The following NIM1K variants were observed in gnomAD, a reference collection of about 807,000 sequenced individuals.
NIM1K encodes the protein serine/threonine-protein kinase NIM1.
In NIM1K, 35 loss-of-function variants were observed where a neutral mutation model predicts 37.1. The observed-to-expected ratio is 0.94, with a 90% CI of 0.72 to 1.25. The LOEUF is 1.25. Ranked by LOEUF, NIM1K falls within the 50% of genes most tolerant of loss-of-function variation. NIM1K has a pLI of 0.00. For synonymous variants in NIM1K, 234 were observed against 206.6 expected, an observed-to-expected ratio of 1.13 and a Z score of -1.14; for missense variants, 564 against 548.0, an observed-to-expected ratio of 1.03 and a Z score of -0.29.
chr5:43,244,954 C>T (rs890178554), intron 1 of NIM1K, 128 bp from the exon 2 acceptor site: 12 of 152,156 alleles, frequency 7.9e-5, no homozygotes, highest in Admixed American at 6.5e-4. Flanking sequence ...CAAGCATCTA[C>T]TACTGATATG....
At chr5:43,198,187 CTTTCTTTCTTTCTTTCTTTCTCTT>C (rs1255314023) in intron 1 of NIM1K, among the ~76,000 whole-genome samples, 395 of 65,486 alleles carry the variant, frequency 6.0e-3, no homozygotes, top group Non-Finnish European at 9.0e-3. Context: ...TTCTTTCTTT[CTTTCTTTCTTTCTTTCTTTCTCTT>C]TCTTTCTTTC....
At chr5:43,216,227 G>A (rs1486115803) in intron 1 of NIM1K, among the ~76,000 whole-genome samples, 1 of 152,086 alleles carries the variant, frequency 6.6e-6, no homozygotes, top group Non-Finnish European at 1.5e-5. Flanking sequence ...TTTCTGTGAA[G>A]TGAGTTGAGG....
At chr5:43,241,892 T>C (rs944974446) in intron 1 of NIM1K, among the ~76,000 whole-genome samples, 5 of 151,974 alleles carry the variant, frequency 3.3e-5, no homozygotes, top group Non-Finnish European at 7.3e-5. Context: ...TGATTTTGTT[T>C]ATTTTACATT....
chr5:43,204,081 G>GTTTTT lies in NIM1K; in HGVS notation c.-695+11687_-695+11691dup, dbSNP rs70994605. Among the ~76,000 whole-genome samples, 203 of 85,388 alleles carry GTTTTT rather than the reference G, an allele frequency of 2.4e-3. 7 individuals carry two copies. Among genetic ancestry groups the GTTTTT allele is most frequent in the East Asian group, 0.013 (31 of 2,388 alleles). 56.0% of individuals were successfully genotyped at this position (85,388 alleles called of 152,430 possible). On this transcript the variant is annotated intron_variant, in intron 1 of 3. Transcript: ENST00000326035. ...TTTACTATCACTGATAGTTCCAATG[G>GTTTTT]TTTTTTTTTTTTTTTTTTTTTGAGA...
In NIM1K at chr5:43,280,648, C is replaced by T. The variant is rs563197819; in HGVS notation, c.1230C>T (p.Asp410=). The T allele has an allele frequency of 6.8e-6, 11 of 1,613,934 alleles. No individual in the cohort carries two copies. Among genetic ancestry groups the T allele is most frequent in the African/African-American group, 2.7e-5 (2 of 74,986 alleles). The change falls in exon 4 of 4, where the codon GAC becomes GAT. Residue 410 remains aspartate, a synonymous_variant. Transcript: ENST00000326035. ...GTGTCCCAGTCATGATGCTACCAGA[C>T]CCTAAAGAAAGAGACCTCAAAAAAG... ...LESVPVMMLP[D]PKERDLKKGS...
intron 1 of NIM1K, among the ~76,000 whole-genome samples, chr5:43,215,755 C>T (rs536518576): frequency 8.5e-5 from 13 of 152,342 alleles, no homozygotes; most frequent in African/African-American, 3.1e-4. Context: ...TTTTAACAAG[C>T]AGTTTACTTT....
intron 1 of NIM1K, among the ~76,000 whole-genome samples, chr5:43,208,464 G>A (rs376017706): frequency 1.6e-4 from 25 of 152,116 alleles, no homozygotes; most frequent in South Asian, 8.3e-4. Flanking sequence ...TTAGCCGGGC[G>A]TGGTGGCAGA....
chr5:43,237,910 T>C (rs1752643823), intron 1 of NIM1K, among the ~76,000 whole-genome samples: 1 of 152,176 alleles, frequency 6.6e-6, no homozygotes, highest in East Asian at 1.9e-4. Context: ...TTTACTTTAT[T>C]GGGAGCATAA....
intron 1 of NIM1K, among the ~76,000 whole-genome samples, chr5:43,238,392 T>C (rs1752651722): frequency 6.6e-6 from 1 of 151,946 alleles, no homozygotes; most frequent in Non-Finnish European, 1.5e-5. Flanking sequence ...GTCTGAATTG[T>C]CTTTGAATTT....
At chr5:43,227,198 T>C (rs572622351) in intron 1 of NIM1K, among the ~76,000 whole-genome samples, 83 of 152,086 alleles carry the variant, frequency 5.5e-4, no homozygotes, top group Non-Finnish European at 1.0e-3. Context: ...CTGTCTCTAC[T>C]AAAAATACAA....
At chr5:43,226,443 T>C (rs1035308041) in intron 1 of NIM1K, among the ~76,000 whole-genome samples, 2 of 152,124 alleles carry the variant, frequency 1.3e-5, no homozygotes, top group African/African-American at 4.8e-5. Flanking sequence ...TGCTGACAGA[T>C]TGGTGTATGA....
intron 1 of NIM1K, among the ~76,000 whole-genome samples, chr5:43,210,642 T>C (rs892517373): frequency 2.6e-5 from 4 of 152,146 alleles, no homozygotes; most frequent in African/African-American, 4.8e-5. Flanking sequence ...TCATGCATTG[T>C]CATGTACAAA....
chr5:43,203,792 G>A (rs11749009), intron 1 of NIM1K, among the ~76,000 whole-genome samples: 13,013 of 152,052 alleles, frequency 0.086, 734 homozygotes, highest in Admixed American at 0.14. Flanking sequence ...TTGGGAGGCC[G>A]AGGCAGGCAG....
intron 1 of NIM1K, among the ~76,000 whole-genome samples, chr5:43,216,074 G>C (rs1333634459): frequency 5.3e-5 from 8 of 151,470 alleles, no homozygotes. Context: ...TCATTCTTTT[G>C]ATCTTGGTGT....
At chr5:43,228,646 A>G (rs1579967454) in intron 1 of NIM1K, among the ~76,000 whole-genome samples, 1 of 150,568 alleles carries the variant, frequency 6.6e-6, no homozygotes, top group Admixed American at 6.7e-5. Flanking sequence ...CCAACATGGC[A>G]AAACCCTGTC....
chr5:43,222,749 A>G (rs1752399111), intron 1 of NIM1K, among the ~76,000 whole-genome samples: 1 of 151,988 alleles, frequency 6.6e-6, no homozygotes, highest in African/African-American at 2.4e-5. Flanking sequence ...AAAAAGAAAA[A>G]AGAAAAAAGA....
chr5:43,209,276 C>G (rs543061567), intron 1 of NIM1K, among the ~76,000 whole-genome samples: 1 of 152,078 alleles, frequency 6.6e-6, no homozygotes, highest in Non-Finnish European at 1.5e-5. Context: ...AATGTCTACC[C>G]GCATTTGAGG....
At chr5:43,263,722 A>G (rs1321280154) in intron 2 of NIM1K, among the ~76,000 whole-genome samples, 2 of 152,076 alleles carry the variant, frequency 1.3e-5, no homozygotes, top group Non-Finnish European at 2.9e-5. Context: ...TAGGGTGTCA[A>G]TTTTAGATCT....
At chr5:43,272,680 C>A (rs747686608) in intron 2 of NIM1K, among the ~76,000 whole-genome samples, 1 of 152,148 alleles carries the variant, frequency 6.6e-6, no homozygotes, top group Non-Finnish European at 1.5e-5. Context: ...CCTTTGTCCC[C>A]TTGGTCCTGT....
Sources: allele counts gnomAD v4.1 joint callset (sites outside exome capture counted in the v4.1 genomes callset), GRCh38; gene constraint gnomAD v4.1.1; transcripts MANE v1.5; gene names NCBI Gene and HGNC (gene_info 2026-07-23, HGNC 2026-07-21).